PARD3B: variants seen among roughly 807,000 people sequenced by gnomAD.
PARD3B encodes the protein partitioning defective 3 homolog B.
Under a neutral mutation model 130.2 loss-of-function variants are expected in PARD3B, and 103 were observed. The ratio of observed to expected loss-of-function variants is 0.79; its 90% CI spans 0.67 to 0.93. The LOEUF is 0.93. Among genes scored for constraint, PARD3B ranks in the 40% least tolerant of loss-of-function variants. The pLI is 0.00. For missense variants in PARD3B, 1,609 were observed against 1,499.2 expected (o/e 1.07, Z -1.21); for synonymous variants, 583 against 553.2 (o/e 1.05, Z -0.76).
At chr2:205,085,868 A>G (rs2125525171) in intron 4 of PARD3B, among the ~76,000 whole-genome samples, 1 of 152,166 alleles carries the variant, frequency 6.6e-6, no homozygotes, top group East Asian at 1.9e-4. Context: ...ATATTTATGA[A>G]TGACTGGGTT....
rs1351309913 is a variant in PARD3B, at chr2:205,352,540, CTTTGATTTACA to C, written c.2631-48471_2631-48461del. Among the ~76,000 whole-genome samples the C allele has an allele frequency of 6.6e-6, 1 of 152,140 alleles. No individual in the cohort carries two copies. Among genetic ancestry groups the C allele is most frequent in the African/African-American group, 2.4e-5 (1 of 41,440 alleles). On this transcript the variant is annotated intron_variant, in intron 18 of 22. Transcript: ENST00000406610. The surrounding 1 kb of genome is among the most constrained non-coding windows in gnomAD (Gnocchi z 5.2). ...TACCTATAGGAGAAGAGACTATTTG[CTTTGATTTACA>C]TCTATATCACCTTCAATTTAATATT...
intron 2 of PARD3B, among the ~76,000 whole-genome samples, chr2:204,698,700 T>C (rs1374501899): frequency 6.6e-6 from 1 of 152,124 alleles, no homozygotes; most frequent in African/African-American, 2.4e-5. Flanking sequence ...GAAGGAGTTC[T>C]GTCTTTAGCC....
intron 21 of PARD3B, among the ~76,000 whole-genome samples, chr2:205,515,769 T>G (rs2050770406): frequency 6.6e-6 from 1 of 152,214 alleles, no homozygotes; most frequent in Non-Finnish European, 1.5e-5. Context: ...TGTTGATAGC[T>G]TCTTTTGCTG....
Position 205,067,095 on chromosome 2 carries a change from C to CTTTTTTTTTTTTTTTTTTTTT in PARD3B, c.504+19414_504+19434dup, listed in dbSNP as rs10672449. Among the ~76,000 whole-genome samples, 96 of 59,710 alleles carry CTTTTTTTTTTTTTTTTTTTTT rather than the reference C, an allele frequency of 1.6e-3. 14 individuals are homozygous for CTTTTTTTTTTTTTTTTTTTTT. The highest frequency in any genetic ancestry group is 2.1e-3 in the Non-Finnish European group (66 of 32,122). The allele number at this position is 59,710 out of a possible 152,430, so 39.2% of individuals were successfully genotyped here. A position where few individuals can be genotyped will look rare whatever the true frequency, so the allele number is the denominator to read the frequency against. On this transcript the variant is annotated intron_variant, in intron 4 of 22. Transcript: ENST00000406610. Reference sequence around the variant, plus strand: ...GCATCTTGCATCCACTTTTACTAGGCTTTTTTTTTTTTTTTTTTTTTTTTT... The same window carrying CTTTTTTTTTTTTTTTTTTTTT: ...GCATCTTGCATCCACTTTTACTAGGCTTTTTTTTTTTTTTTTTTTTTTTTTTTTTTTTTTTTTTTTTTTTTT...
chr2:205,286,960 C>T (rs1046083597), intron 16 of PARD3B, among the ~76,000 whole-genome samples: 1 of 152,206 alleles, frequency 6.6e-6, no homozygotes, highest in Non-Finnish European at 1.5e-5. Context: ...GAATGGTCCT[C>T]TCTTCACAAA....
chr2:205,526,447 G>T (rs921619480), intron 21 of PARD3B, among the ~76,000 whole-genome samples: 7 of 152,160 alleles, frequency 4.6e-5, no homozygotes, highest in Non-Finnish European at 7.3e-5. Context: ...TTGGTAAGCA[G>T]ATATACCCAG....
intron 2 of PARD3B, among the ~76,000 whole-genome samples, chr2:204,805,026 G>T (rs1046266147): frequency 1.3e-5 from 2 of 151,830 alleles, no homozygotes; most frequent in African/African-American, 4.8e-5. Flanking sequence ...AATAATGCAT[G>T]TGAAAAAGTA....
In PARD3B at chr2:205,550,607, T is replaced by C. The variant is rs2052573712; in HGVS notation, c.3181-2717T>C. On this transcript the variant is annotated intron_variant, in intron 21 of 22. Coordinates refer to ENST00000406610, the MANE Select transcript of PARD3B (RefSeq NM_001302769.2). The surrounding 1 kb of genome is among the most constrained non-coding windows in gnomAD (Gnocchi z 4.5). ...TAACATCCTGAATGGCACTTGAAAA[T>C]ACATTATCCTATTTCATTCTTTGGT... is the stretch of plus-strand genomic sequence containing the variant. 6.6e-6 allele frequency among the ~76,000 whole-genome samples: 1 copy of C among 152,108 alleles called. No homozygotes were observed. The highest frequency in any genetic ancestry group is 1.5e-5 in the Non-Finnish European group (1 of 68,032).
At chr2:205,133,688 TG>T (rs536993613) in intron 10 of PARD3B, among the ~76,000 whole-genome samples, 8,932 of 152,302 alleles carry the variant, frequency 0.059, 303 homozygotes, top group African/African-American at 0.082. Context: ...CCAGTTGAGT[TG>T]TGCCTTTTTG....
intron 3 of PARD3B, among the ~76,000 whole-genome samples, chr2:204,981,984 T>TAC (rs891600888): frequency 6.6e-6 from 1 of 151,932 alleles, no homozygotes; most frequent in African/African-American, 2.4e-5. Context: ...TGTGTGTATG[T>TAC]ACACACACAC....
At chr2:205,246,076 A>G (rs2039559084) in intron 16 of PARD3B, among the ~76,000 whole-genome samples, 1 of 152,188 alleles carries the variant, frequency 6.6e-6, no homozygotes, top group African/African-American at 2.4e-5. Flanking sequence ...AAAATCTTAA[A>G]TCTGTACTCT....
intron 3 of PARD3B, among the ~76,000 whole-genome samples, chr2:204,970,335 A>T (rs1191116513): frequency 6.6e-6 from 1 of 152,230 alleles, no homozygotes; most frequent in Non-Finnish European, 1.5e-5. Context: ...CTCTATCAGA[A>T]CCAACTTTTT....
chr2:204,971,752 A>G (rs1221373474), intron 3 of PARD3B, among the ~76,000 whole-genome samples: 1 of 151,948 alleles, frequency 6.6e-6, no homozygotes, highest in Non-Finnish European at 1.5e-5. Flanking sequence ...TGGTGTGACT[A>G]TAACTAAATC....
intron 16 of PARD3B, among the ~76,000 whole-genome samples, chr2:205,273,732 A>T (rs1453426364): frequency 1.3e-5 from 2 of 152,344 alleles, no homozygotes; most frequent in East Asian, 3.9e-4. Flanking sequence ...CACTTGGCCA[A>T]CACCTGTTAA....
At chr2:204,832,891 C>T (rs1017874504) in intron 2 of PARD3B, among the ~76,000 whole-genome samples, 6 of 152,044 alleles carry the variant, frequency 3.9e-5, no homozygotes, top group Non-Finnish European at 8.8e-5. Context: ...ATGCTGGGCA[C>T]TATAAAGAGA....
intron 3 of PARD3B, among the ~76,000 whole-genome samples, chr2:205,023,450 A>G (rs1028459845): frequency 1.2e-5 from 1 of 82,686 alleles, no homozygotes; most frequent in Non-Finnish European, 2.4e-5. Flanking sequence ...TCATGCCCAC[A>G]CCTTTTTTTT....
At chr2:205,290,295 A>C (rs2105870088) in intron 16 of PARD3B, among the ~76,000 whole-genome samples, 1 of 152,346 alleles carries the variant, frequency 6.6e-6, no homozygotes, top group East Asian at 1.9e-4. Context: ...TCTTTGCTCT[A>C]CACATAGACT....
chr2:204,925,741 T>C (rs988289983), intron 2 of PARD3B, among the ~76,000 whole-genome samples: 1 of 152,080 alleles, frequency 6.6e-6, no homozygotes, highest in African/African-American at 2.4e-5. Context: ...CCTACTGATA[T>C]GGTTTGGCTC....
chr2:205,284,723 AT>A (rs539260961), intron 16 of PARD3B, among the ~76,000 whole-genome samples: 10 of 151,436 alleles, frequency 6.6e-5, no homozygotes, highest in Non-Finnish European at 1.0e-4. Context: ...CAAATGTAGT[AT>A]TTTTTTTTCA....
Sources: allele counts gnomAD v4.1 joint callset (sites outside exome capture counted in the v4.1 genomes callset), GRCh38; gene constraint gnomAD v4.1.1; non-coding constraint Gnocchi (gnomAD v3.1); transcripts MANE v1.5; gene names NCBI Gene and HGNC (gene_info 2026-07-23, HGNC 2026-07-21).